Variants in NPAS3 observed in about 807,000 individuals in gnomAD.
The protein encoded by NPAS3 is neuronal PAS domain protein 3, also known as neuronal PAS domain-containing protein 3.
Under a neutral mutation model 73.1 loss-of-function variants are expected in NPAS3, and 14 were observed. The observed-to-expected ratio is 0.19, with a 90% confidence interval of 0.13 to 0.30. NPAS3 has a LOEUF of 0.30. Among genes scored for constraint, NPAS3 ranks in the 10% least tolerant of loss-of-function variants. NPAS3 has a pLI of 1.00. For synonymous variants in NPAS3, 620 were observed against 541.5 expected (o/e 1.14, Z -2.01); for missense variants, 1,096 against 1,250.0 (o/e 0.88, Z 1.86).
rs201463501 is a variant in NPAS3, at chr14:33,481,800, A to T, written c.469-78321A>T. On this transcript the variant is annotated intron_variant, in intron 4 of 11. Transcript: ENST00000356141. Reference sequence around the variant, plus strand: ...AAAAAAATCAAAAAAATAAAAAAAAATAGGAGGTGGTTTGGGTTGGGAAGT... The same window carrying T: ...AAAAAAATCAAAAAAATAAAAAAAATTAGGAGGTGGTTTGGGTTGGGAAGT... Among the ~76,000 whole-genome samples, 15 of 152,228 alleles carry T rather than the reference A, an allele frequency of 9.9e-5. No individual in the cohort carries two copies. The East Asian group carries it at 2.9e-3, about 29-fold the overall frequency.
chr14:33,451,765 G>A (rs1429193336), intron 4 of NPAS3, among the ~76,000 whole-genome samples: 3 of 152,122 alleles, frequency 2.0e-5, no homozygotes, highest in Non-Finnish European at 2.9e-5. Flanking sequence ...AAGGAGTAGA[G>A]AAAGGATGTA....
chr14:33,141,639 A>G (rs1024182760), intron 2 of NPAS3, among the ~76,000 whole-genome samples: 1 of 152,212 alleles, frequency 6.6e-6, no homozygotes, highest in Non-Finnish European at 1.5e-5. Context: ...TTTTAAGAGT[A>G]TACAATACAT....
At chr14:33,736,066 A>G (rs764322398) in intron 7 of NPAS3, among the ~76,000 whole-genome samples, 2 of 152,222 alleles carry the variant, frequency 1.3e-5, no homozygotes, top group Non-Finnish European at 2.9e-5. Context: ...CAATTTTACA[A>G]CACACTAACC....
At chr14:33,093,484 G>T (rs544776029) in intron 2 of NPAS3, among the ~76,000 whole-genome samples, 260 of 152,326 alleles carry the variant, frequency 1.7e-3, no homozygotes, top group African/African-American at 6.1e-3. Context: ...TGCTGGAGAC[G>T]ATGTGGAGAA....
chr14:33,502,905 C>T (rs1363151531), intron 4 of NPAS3, among the ~76,000 whole-genome samples: 2 of 151,966 alleles, frequency 1.3e-5, no homozygotes, highest in Admixed American at 6.6e-5. Flanking sequence ...ACATTTCATT[C>T]AGTGATTTAT....
chr14:33,186,207 A>C (rs1284536661), intron 2 of NPAS3, among the ~76,000 whole-genome samples: 1 of 152,192 alleles, frequency 6.6e-6, no homozygotes, highest in Non-Finnish European at 1.5e-5. Context: ...CTTTTAAGTT[A>C]CATTTTGTTT....
intron 3 of NPAS3, among the ~76,000 whole-genome samples, chr14:33,225,725 T>A (rs941582325): frequency 9.9e-5 from 15 of 152,166 alleles, no homozygotes; most frequent in Non-Finnish European, 1.9e-4. Flanking sequence ...ATTCTTAGCT[T>A]GTGGGTGGTA....
intron 6 of NPAS3, among the ~76,000 whole-genome samples, chr14:33,717,146 C>T (rs544367155): frequency 6.7e-6 from 1 of 149,962 alleles, no homozygotes; most frequent in East Asian, 2.0e-4. Context: ...TTGAAAACCA[C>T]TGTACGATTG....
chr14:33,037,510 G>T (rs1286417598), intron 1 of NPAS3, among the ~76,000 whole-genome samples: 2 of 151,216 alleles, frequency 1.3e-5, no homozygotes, highest in East Asian at 3.9e-4. Context: ...AAGAAAAAAA[G>T]AAAAAATTAG....
intron 4 of NPAS3, among the ~76,000 whole-genome samples, chr14:33,478,161 C>A (rs1248527659): frequency 2.6e-5 from 4 of 152,116 alleles, no homozygotes; most frequent in Non-Finnish European, 5.9e-5. Flanking sequence ...CATTTTATGG[C>A]AGTGTTACGG....
At chr14:33,355,322 A>T (rs1287311221) in intron 3 of NPAS3, among the ~76,000 whole-genome samples, 1 of 151,942 alleles carries the variant, frequency 6.6e-6, no homozygotes, top group African/African-American at 2.4e-5. Context: ...TTTTTTTGAG[A>T]TGGAGTCTTG....
At chr14:33,690,249 G>A (rs1566429186) in intron 6 of NPAS3, among the ~76,000 whole-genome samples, 1 of 152,118 alleles carries the variant, frequency 6.6e-6, no homozygotes, top group Admixed American at 6.5e-5. Flanking sequence ...AATTTATTTC[G>A]TGTAGGAGGA....
intron 9 of NPAS3, among the ~76,000 whole-genome samples, chr14:33,786,558 T>G (rs1475156303): frequency 1.3e-5 from 2 of 152,192 alleles, no homozygotes; most frequent in Non-Finnish European, 2.9e-5. Context: ...TAACACTTAA[T>G]TGTTAAAGGG....
intron 2 of NPAS3, among the ~76,000 whole-genome samples, chr14:33,110,078 A>G (rs2042843411): frequency 6.6e-6 from 1 of 152,070 alleles, no homozygotes; most frequent in Non-Finnish European, 1.5e-5. Context: ...TTGCTGATAT[A>G]TTTATAACAT....
intron 5 of NPAS3, among the ~76,000 whole-genome samples, chr14:33,658,542 A>G (rs1405322420): frequency 6.6e-6 from 1 of 152,200 alleles, no homozygotes; most frequent in Non-Finnish European, 1.5e-5. Context: ...GGGAATGACC[A>G]AAACCAAATA....
chr14:33,240,867 C>A (rs2048192973), intron 3 of NPAS3, among the ~76,000 whole-genome samples: 1 of 151,868 alleles, frequency 6.6e-6, no homozygotes, highest in South Asian at 2.1e-4. Flanking sequence ...GCCTCTGCAG[C>A]CTTCTTTGTG....
intron 5 of NPAS3, among the ~76,000 whole-genome samples, chr14:33,560,881 A>G (rs537619246): frequency 3.9e-5 from 6 of 152,358 alleles, no homozygotes; most frequent in African/African-American, 1.4e-4. Context: ...TTTAAGTTCC[A>G]GTGAATGCCA....
Position 33,399,035 on chromosome 14 carries a change from G to A in NPAS3, c.468+31767G>A, listed in dbSNP as rs368836454. ...TATGAGAACATTAAGAGTTCGAGCC[G>A]TCTTGACATGTAACTGAAAATGGAC... On this transcript the variant is annotated intron_variant, in intron 4 of 11. Coordinates refer to ENST00000356141, the Ensembl canonical transcript of NPAS3. Among the ~76,000 whole-genome samples the A allele has an allele frequency of 7.2e-5, 11 of 152,132 alleles. No individual in the cohort carries two copies. The East Asian group carries it at 1.5e-3, about 21-fold the overall frequency.
intron 4 of NPAS3, among the ~76,000 whole-genome samples, chr14:33,411,869 G>A (rs566813403): frequency 6.6e-6 from 1 of 151,114 alleles, no homozygotes; most frequent in Non-Finnish European, 1.5e-5. Flanking sequence ...CATTTTATTT[G>A]ACAGTGAATG....
Sources: allele counts gnomAD v4.1 joint callset (sites outside exome capture counted in the v4.1 genomes callset), GRCh38; gene constraint gnomAD v4.1.1; transcripts MANE v1.5; gene names NCBI Gene and HGNC (gene_info 2026-07-23, HGNC 2026-07-21).